STK4: variants seen among roughly 807,000 people sequenced by gnomAD.
The protein encoded by STK4 is serine/threonine-protein kinase 4.
A neutral mutation model predicts 64.9 loss-of-function variants in STK4; 30 were observed. The ratio of observed to expected loss-of-function variants is 0.46; its 90% confidence interval spans 0.35 to 0.63. The LOEUF is 0.63. STK4 is among the 20% of genes least tolerant of loss of function. The pLI is 0.01. For synonymous variants in STK4, 177 were observed against 199.0 expected (o/e 0.89, Z 0.93); for missense variants, 466 against 598.5 (o/e 0.78, Z 2.31).
At chr20:45,072,749 T>C (rs979699968) in intron 10 of STK4, among the ~76,000 whole-genome samples, 5 of 152,244 alleles carry the variant, frequency 3.3e-5, no homozygotes, top group African/African-American at 9.6e-5. Flanking sequence ...TTCACATGTT[T>C]GATTCTAGCT....
chr20:44,999,404 G>A (rs936556236), intron 7 of STK4, among the ~76,000 whole-genome samples: 1 of 152,138 alleles, frequency 6.6e-6, no homozygotes, highest in Non-Finnish European at 1.5e-5. Context: ...TCCATCTCTG[G>A]AGTTCTTACT....
Position 45,075,124 on chromosome 20 carries a change from A to G in STK4, c.1412A>G (p.Gln471Arg). ...CGGCAGAAGTACCAGTCCAAGCGGC[A>G]GCCCATCCTGGATGCCATAGAGGCT... ...EIRQKYQSKR[Q>R]PILDAIEAKK... Residue 471 changes from glutamine (Q) to arginine (R), a missense_variant, in exon 11 of 11, where the codon CAG becomes CGG. Physicochemically the swap from Gln to Arg is conservative, Grantham distance 43. This residue lies in a region of STK4 where 276 missense variants were observed against 308.9 expected (regional missense o/e 0.89). Coordinates refer to ENST00000372806, the MANE Select transcript of STK4 (RefSeq NM_006282.5). The G allele has an allele frequency of 6.2e-7, 1 of 1,614,200 alleles. No homozygotes were observed. Among genetic ancestry groups the G allele is most frequent in the Middle Eastern group, 1.6e-4 (1 of 6,062 alleles).
chr20:45,051,954 G>A (rs114410700), intron 10 of STK4, among the ~76,000 whole-genome samples: 27 of 152,242 alleles, frequency 1.8e-4, no homozygotes, highest in Non-Finnish European at 3.1e-4. Flanking sequence ...TAGGGCTGTC[G>A]TGAGTATCAA....
intron 10 of STK4, among the ~76,000 whole-genome samples, chr20:45,070,819 CA>C (rs1335356942): frequency 1.4e-5 from 2 of 147,638 alleles, no homozygotes; most frequent in African/African-American, 5.1e-5. Flanking sequence ...ACCCAGGAGG[CA>C]GAGGTTGCAG....
intron 9 of STK4, among the ~76,000 whole-genome samples, chr20:45,003,063 C>T (rs1468386760): frequency 6.6e-6 from 1 of 152,008 alleles, no homozygotes; most frequent in Non-Finnish European, 1.5e-5. Flanking sequence ...GGTTAGCGTA[C>T]AGTAGGTATG....
At chr20:44,985,692 A>G (rs2067519691) in intron 4 of STK4, among the ~76,000 whole-genome samples, 1 of 152,204 alleles carries the variant, frequency 6.6e-6, no homozygotes, top group Admixed American at 6.5e-5. Context: ...ATATTGATTG[A>G]TAATATCAAA....
chr20:44,967,958 A>G (rs556014392), intron 1 of STK4, among the ~76,000 whole-genome samples: 1 of 152,336 alleles, frequency 6.6e-6, no homozygotes, highest in East Asian at 1.9e-4. Flanking sequence ...TTTGAACCAT[A>G]AAAACCTCAT....
chr20:45,071,955 G>T, intron 10 of STK4, among the ~76,000 whole-genome samples: 1 of 151,882 alleles, frequency 6.6e-6, no homozygotes, highest in Non-Finnish European at 1.5e-5. Flanking sequence ...CGTAGAGATG[G>T]GATTTCACTA....
intron 9 of STK4, among the ~76,000 whole-genome samples, chr20:45,007,138 T>C (rs190883874): frequency 1.3e-5 from 2 of 152,332 alleles, no homozygotes; most frequent in Admixed American, 6.5e-5. Context: ...TCCGTTATCT[T>C]AACTGTCTAC....
rs1980690861 is a variant in STK4, at chr20:45,078,522, T to C, written c.*3346T>C. On this transcript the variant is annotated 3_prime_UTR_variant, in exon 11 of 11. Coordinates refer to ENST00000372806, the MANE Select transcript of STK4 (RefSeq NM_006282.5). The stretch of plus-strand genomic sequence containing the variant: ...GCCTGGCCAAAAATCTCAGAATTCT[T>C]TAAGACTGTTTTAATTGCTCCATCA... 1 of 152,082 alleles carries C rather than the reference T, an allele frequency of 6.6e-6. No individual in the cohort carries two copies. Among genetic ancestry groups the C allele is most frequent in the Non-Finnish European group, 1.5e-5 (1 of 68,024 alleles). The allele number at this position is 152,082 out of a possible 1,614,324, so 9.4% of individuals were successfully genotyped here.
In STK4 at chr20:45,019,262, T is replaced by A. The variant is rs1401039976; in HGVS notation, c.1148-5711T>A. 2.0e-5 allele frequency among the ~76,000 whole-genome samples: 3 copies of A among 152,210 alleles called. No homozygotes were observed. The East Asian group carries it at 5.8e-4, about 29-fold the overall frequency. On this transcript the variant is annotated intron_variant, in intron 9 of 10. Transcript: ENST00000372806. The stretch of plus-strand genomic sequence containing the variant: ...TACTTTCTGTCTCTATAGATTTGCC[T>A]GTTTTGGACAGTTTATGTAAATGGA...
chr20:45,001,676 T>TA (rs2067844928), intron 9 of STK4, among the ~76,000 whole-genome samples: 1 of 152,252 alleles, frequency 6.6e-6, no homozygotes, highest in Admixed American at 6.5e-5. Flanking sequence ...GTTTGATGCA[T>TA]AATTCCTGTG....
intron 9 of STK4, among the ~76,000 whole-genome samples, chr20:45,008,808 G>C (rs933109470): frequency 6.6e-6 from 1 of 152,004 alleles, no homozygotes; most frequent in Non-Finnish European, 1.5e-5. Context: ...ATTTTTTCAT[G>C]TATTTGTTAG....
chr20:45,062,997 T>TTTTTTTTTTG (rs1356014637), intron 10 of STK4, among the ~76,000 whole-genome samples: 1 of 84,400 alleles, frequency 1.2e-5, no homozygotes, highest in Non-Finnish European at 2.3e-5. Context: ...GCCTTTTTTT[T>TTTTTTTTTTG]TTTTTTTTTT....
chr20:45,013,900 A>G (rs2068095905), intron 9 of STK4, among the ~76,000 whole-genome samples: 1 of 152,150 alleles, frequency 6.6e-6, no homozygotes, highest in African/African-American at 2.4e-5. Context: ...TATGTCATCC[A>G]AAATAATATA....
intron 10 of STK4, among the ~76,000 whole-genome samples, chr20:45,067,796 C>T (rs1026687760): frequency 6.6e-6 from 1 of 152,178 alleles, no homozygotes; most frequent in African/African-American, 2.4e-5. Context: ...CAGTTCCCAT[C>T]AGCCTTCATT....
intron 7 of STK4, among the ~76,000 whole-genome samples, chr20:44,997,886 C>T (rs2067764606): frequency 1.3e-5 from 2 of 152,160 alleles, no homozygotes; most frequent in Admixed American, 6.5e-5. Context: ...TGCATATGTG[C>T]CATTTAATCA....
chr20:45,033,208 C>T (rs1386497747), intron 10 of STK4, among the ~76,000 whole-genome samples: 2 of 152,088 alleles, frequency 1.3e-5, no homozygotes, highest in East Asian at 1.9e-4. Context: ...GAAATTTTCT[C>T]CCATTTTGTA....
At chr20:44,982,029 C>T in intron 4 of STK4, 86 bp downstream of exon 4, 1 of 833,770 alleles carries the variant, frequency 1.2e-6, no homozygotes, top group Non-Finnish European at 2.0e-6. Context: ...CATTCTCCTA[C>T]TAGAGAGACG....
Sources: allele counts gnomAD v4.1 joint callset (sites outside exome capture counted in the v4.1 genomes callset), GRCh38; gene constraint gnomAD v4.1.1; regional missense constraint gnomAD v4.1.1; transcripts MANE v1.5; gene names NCBI Gene and HGNC (gene_info 2026-07-23, HGNC 2026-07-21).